The following NFIA variants were observed in gnomAD, a reference collection of about 807,000 sequenced individuals.
NFIA encodes nuclear factor 1 A-type.
Under a neutral mutation model 62.8 loss-of-function variants are expected in NFIA, and 8 were observed. The observed-to-expected ratio is 0.13, with a 90% confidence interval of 0.07 to 0.23. The LOEUF is 0.23. NFIA is among the 10% of genes least tolerant of loss of function. The pLI, the probability that NFIA is intolerant of heterozygous loss-of-function variation, is 1.00. For synonymous variants in NFIA, 235 were observed against 238.1 expected (o/e 0.99, Z 0.12); for missense variants, 410 against 642.1 (o/e 0.64, Z 3.91).
intron 6 of NFIA, among the ~76,000 whole-genome samples, chr1:61,382,424 A>G (rs938147865): frequency 7.9e-5 from 12 of 152,210 alleles, no homozygotes; most frequent in African/African-American, 2.9e-4. Flanking sequence ...TCATCATAGA[A>G]AAGACAGGTA....
intron 2 of NFIA, among the ~76,000 whole-genome samples, chr1:61,259,173 G>A (rs980654528): frequency 9.9e-5 from 15 of 152,110 alleles, no homozygotes; most frequent in Non-Finnish European, 1.5e-4. Flanking sequence ...GACACATTTT[G>A]CCCATCCCTG....
At chr1:61,361,110 G>A (rs1380513623) in intron 6 of NFIA, among the ~76,000 whole-genome samples, 2 of 152,246 alleles carry the variant, frequency 1.3e-5, no homozygotes, top group African/African-American at 2.4e-5. Flanking sequence ...CAGAGATGGT[G>A]GTGTTAGTCT....
At chr1:61,193,966 A>G (rs952594261) in intron 2 of NFIA, among the ~76,000 whole-genome samples, 2 of 152,190 alleles carry the variant, frequency 1.3e-5, no homozygotes, top group Admixed American at 6.5e-5. Flanking sequence ...GGACCCAATT[A>G]ACTGATTGGC....
At chr1:61,245,577 A>T (rs923419876) in intron 2 of NFIA, among the ~76,000 whole-genome samples, 2 of 152,144 alleles carry the variant, frequency 1.3e-5, no homozygotes, top group African/African-American at 4.8e-5. Flanking sequence ...TAATATTAGG[A>T]TAAATACTGA....
At chr1:61,147,249 C>T (rs1272906087) in intron 2 of NFIA, among the ~76,000 whole-genome samples, 1 of 152,032 alleles carries the variant, frequency 6.6e-6, no homozygotes, top group South Asian at 2.1e-4. Context: ...CTCCTGAGTT[C>T]AAGCAATTCT....
intron 2 of NFIA, among the ~76,000 whole-genome samples, chr1:61,258,944 C>T (rs1441834737): frequency 2.0e-5 from 3 of 152,068 alleles, no homozygotes; most frequent in Non-Finnish European, 4.4e-5. Context: ...TGGTCTCGAA[C>T]TCCTGAGCTC....
chr1:61,422,454 T>C (rs904559340), intron 9 of NFIA, among the ~76,000 whole-genome samples: 2 of 152,216 alleles, frequency 1.3e-5, no homozygotes, highest in African/African-American at 4.8e-5. Context: ...CTAATTCATC[T>C]GGAAATGCCA....
At chr1:61,091,905 G>T (rs1570131539) in intron 2 of NFIA, among the ~76,000 whole-genome samples, 1 of 150,762 alleles carries the variant, frequency 6.6e-6, no homozygotes, top group African/African-American at 2.4e-5. Context: ...TCAGATTCTA[G>T]AAAGATTCTC....
intron 7 of NFIA, among the ~76,000 whole-genome samples, chr1:61,389,617 G>A (rs11207734): frequency 0.2 from 30,349 of 151,948 alleles, 3,041 homozygotes; most frequent in South Asian, 0.3. Flanking sequence ...TTTCTCCCCC[G>A]ACTGGGAGAA....
At chr1:61,360,966 G>T (rs1221002239) in intron 6 of NFIA, among the ~76,000 whole-genome samples, 1 of 150,214 alleles carries the variant, frequency 6.7e-6, no homozygotes, top group East Asian at 2.0e-4. Context: ...GACTTTCTCT[G>T]TATGAAGCAC....
intron 10 of NFIA, among the ~76,000 whole-genome samples, chr1:61,440,728 A>G (rs973916214): frequency 6.7e-6 from 1 of 150,112 alleles, no homozygotes; most frequent in Non-Finnish European, 1.5e-5. Flanking sequence ...TCCTTTTTCC[A>G]CAAATTTTTA....
At chr1:61,340,080 G>T (rs574580757) in intron 4 of NFIA, among the ~76,000 whole-genome samples, 7 of 152,232 alleles carry the variant, frequency 4.6e-5, no homozygotes, top group Non-Finnish European at 8.8e-5. Flanking sequence ...GTTAGAGCTG[G>T]CAGTGAGAGT....
chr1:61,203,569 C>T (rs1299212626), intron 2 of NFIA, among the ~76,000 whole-genome samples: 1 of 152,144 alleles, frequency 6.6e-6, no homozygotes, highest in Non-Finnish European at 1.5e-5. Context: ...GTAGGGAACA[C>T]ATATCTCTTC....
At chr1:61,220,944 C>T (rs184415337) in intron 2 of NFIA, among the ~76,000 whole-genome samples, 1 of 152,284 alleles carries the variant, frequency 6.6e-6, no homozygotes, top group Non-Finnish European at 1.5e-5. Flanking sequence ...CCTTTCCATA[C>T]AGATACTTGC....
intron 3 of NFIA, among the ~76,000 whole-genome samples, chr1:61,308,398 T>C (rs560677787): frequency 6.6e-6 from 1 of 152,336 alleles, no homozygotes; most frequent in South Asian, 2.1e-4. Flanking sequence ...TAAGGTCTCA[T>C]TGAGTGTTAC....
intron 3 of NFIA, among the ~76,000 whole-genome samples, chr1:61,284,235 TAATTA>T (rs1406678842): frequency 6.6e-6 from 1 of 152,236 alleles, no homozygotes; most frequent in Non-Finnish European, 1.5e-5. Flanking sequence ...CAGATCTGTA[TAATTA>T]AATTCTGACT....
At chr1:61,303,338 T>TTAGA (rs2100333632) in intron 3 of NFIA, among the ~76,000 whole-genome samples, 1 of 152,328 alleles carries the variant, frequency 6.6e-6, no homozygotes, top group Admixed American at 6.5e-5. Context: ...GCTTACCTTC[T>TTAGA]AGTTGATGGA....
chr1:61,200,705 A>G (rs1375891062), intron 2 of NFIA, among the ~76,000 whole-genome samples: 1 of 152,238 alleles, frequency 6.6e-6, no homozygotes, highest in African/African-American at 2.4e-5. Context: ...CCAGTGAATT[A>G]TCACAACCAC....
chr1:61,226,203 A>G lies in NFIA; in HGVS notation c.560-51317A>G, dbSNP rs1041878635. 7.2e-5 allele frequency among the ~76,000 whole-genome samples: 11 copies of G among 152,340 alleles called. No individual in the cohort carries two copies. In the East Asian group the frequency reaches 7.7e-4, roughly 11 times the overall value. Reference sequence around the variant, plus strand: ...GGGTTATTAAACCAAAGTTTGCCTCATGCTGTCGACGTTAAGCAGCCACTT... The same window carrying G: ...GGGTTATTAAACCAAAGTTTGCCTCGTGCTGTCGACGTTAAGCAGCCACTT... On this transcript the variant is annotated intron_variant, in intron 2 of 10. Transcript: ENST00000403491.
Sources: allele counts gnomAD v4.1 joint callset (sites outside exome capture counted in the v4.1 genomes callset), GRCh38; gene constraint gnomAD v4.1.1; transcripts MANE v1.5; gene names NCBI Gene and HGNC (gene_info 2026-07-23, HGNC 2026-07-21).